Variants in DYNC2I2 observed in about 807,000 individuals in gnomAD.
DYNC2I2 encodes cytoplasmic dynein 2 intermediate chain 2.
In DYNC2I2, 39 loss-of-function variants were observed where a neutral mutation model predicts 52.0. The ratio of observed to expected loss-of-function variants is 0.75; its 90% CI spans 0.58 to 0.98. The LOEUF is 0.98. Ranked by LOEUF, DYNC2I2 falls within the 50% of genes least tolerant of loss-of-function variation. The pLI, the probability that DYNC2I2 is intolerant of heterozygous loss-of-function variation, is 0.00. For synonymous variants in DYNC2I2, 359 were observed against 321.1 expected (o/e 1.12, Z -1.26); for missense variants, 743 against 728.4 (o/e 1.02, Z -0.23).
At chr9:128,681,576 G>A in the DYNC2I2 span, among the ~76,000 whole-genome samples, 1 of 152,216 alleles carries the variant, frequency 6.6e-6, no homozygotes, top group Non-Finnish European at 1.5e-5. Flanking sequence ...ATCTGTTGGA[G>A]ATGTAGGGAG....
At chr9:128,683,146 C>G in the DYNC2I2 span, among the ~76,000 whole-genome samples, 1 of 152,028 alleles carries the variant, frequency 6.6e-6, no homozygotes, top group African/African-American at 2.4e-5. Context: ...AGGTGCCCAC[C>G]ACCACGCCCA....
rs117258756 is a variant in DYNC2I2 at position 128,635,910 on chromosome 9, G to A, written c.704-143C>T. 7.0e-3 allele frequency: 5,371 copies of A among 771,096 alleles called. 26 individuals carry two copies. Among genetic ancestry groups the A allele is most frequent in the Middle Eastern group, 0.01 (39 of 3,776 alleles). The allele number at this position is 771,096 out of a possible 1,614,324, so 47.8% of individuals were successfully genotyped here. On this transcript the variant is annotated intron_variant, in intron 4 of 8. Coordinates refer to ENST00000372715, the MANE Select transcript of DYNC2I2 (RefSeq NM_052844.4). ...TTGGCTGGAAGTCATCCCCACAGAGGGAGAGTCCTAGCCCCCAGCTCCCCT... is the reference window on the plus strand; with the variant it reads ...TTGGCTGGAAGTCATCCCCACAGAGAGAGAGTCCTAGCCCCCAGCTCCCCT...
Position 128,635,668 on chromosome 9 carries a change from G to A in DYNC2I2, c.803C>T (p.Pro268Leu), listed in dbSNP as rs1269021363. The A allele has an allele frequency of 6.2e-7, 1 of 1,607,224 alleles. No homozygotes were observed. The highest frequency in any genetic ancestry group is 1.3e-5 in the African/African-American group (1 of 74,754). Residue 268 changes from proline to leucine, a missense_variant, in exon 5 of 9, where the codon CCT becomes CTT. Pro to Leu is a moderately conservative substitution (Grantham distance 98, BLOSUM62 -3). Coordinates refer to ENST00000372715, the MANE Select transcript of DYNC2I2 (RefSeq NM_052844.4). ...AGCCCCTGCCCTGACCTGGGACACA[G>A]GGTCTGTGTGGGTGTCATCCGTCAG... ...TGLTDDTHTDPVSQVVWLPEP... is the reference protein window; with the variant it reads ...TGLTDDTHTDLVSQVVWLPEP...
upstream of DYNC2I2, among the ~76,000 whole-genome samples, chr9:128,657,449 C>A (rs1167888855): frequency 6.6e-6 from 1 of 151,776 alleles, no homozygotes; most frequent in Admixed American, 6.6e-5. Context: ...ATTCCGCGCG[C>A]CCCACCGGAA....
chr9:128,646,372 CTAA>C (rs1012928642), intron 1 of DYNC2I2, among the ~76,000 whole-genome samples: 3 of 152,082 alleles, frequency 2.0e-5, no homozygotes, highest in Non-Finnish European at 2.9e-5. Flanking sequence ...CCATGGCTGG[CTAA>C]TGTTTGTATT....
the DYNC2I2 span, among the ~76,000 whole-genome samples, chr9:128,669,445 C>T: frequency 6.6e-6 from 1 of 152,076 alleles, no homozygotes; most frequent in Non-Finnish European, 1.5e-5. Flanking sequence ...CACTTCTAGT[C>T]CCAGCACTTC....
At chr9:128,637,096 C>T (rs1860430237) in intron 2 of DYNC2I2, 69 bp from the exon 3 acceptor site, 5 of 1,138,262 alleles carry the variant, frequency 4.4e-6, no homozygotes, top group Non-Finnish European at 6.5e-6. Context: ...TAACCAAACC[C>T]CACCTAGGCC....
chr9:128,637,344 TA>T (rs1478543142), intron 2 of DYNC2I2, among the ~76,000 whole-genome samples: 1 of 152,206 alleles, frequency 6.6e-6, no homozygotes, highest in Non-Finnish European at 1.5e-5. Context: ...CCCAGCAGCA[TA>T]AAAGTGCCCA....
intron 1 of DYNC2I2, among the ~76,000 whole-genome samples, chr9:128,653,914 G>A (rs1860767923): frequency 1.3e-5 from 2 of 152,150 alleles, no homozygotes; most frequent in Admixed American, 6.6e-5. Flanking sequence ...GGGAGGCTGA[G>A]GCAGGAGAAT....
chr9:128,656,450 A>C, intron 1 of DYNC2I2, 91 bp downstream of exon 1: 1 of 1,086,246 alleles, frequency 9.2e-7, no homozygotes, highest in Non-Finnish European at 1.1e-6. Flanking sequence ...CCCGCCCGGC[A>C]GCCACGGTGG....
upstream of DYNC2I2, among the ~76,000 whole-genome samples, chr9:128,657,943 A>G (rs542824557): frequency 7.2e-5 from 11 of 152,168 alleles, no homozygotes; most frequent in Admixed American, 5.3e-4. Flanking sequence ...AAATTTTTTA[A>G]TTGGCCAGGC....
rs34154610 is a variant in DYNC2I2 at position 128,649,688 on chromosome 9, CA to C, written c.186+6852del. On this transcript the variant is annotated intron_variant, in intron 1 of 8. Coordinates refer to ENST00000372715, the MANE Select transcript of DYNC2I2 (RefSeq NM_052844.4). ...TGGGCAAGACAGTGAGACTCCATCT[CA>C]AAAAAAAAAAAAAAAAAAAACTGGG... 2.1e-3 allele frequency among the ~76,000 whole-genome samples: 101 copies of C among 47,228 alleles called. 1 individual carries two copies. The highest frequency in any genetic ancestry group is 0.013 in the African/African-American group (92 of 7,322). The allele number at this position is 47,228 out of a possible 152,430, so 31.0% of individuals were successfully genotyped here.
Position 128,633,785 on chromosome 9 carries a change from C to T in DYNC2I2, c.1570G>A (p.Ala524Thr), listed in dbSNP as rs752702804. 4 of 1,613,614 alleles carry T rather than the reference C, an allele frequency of 2.5e-6. No individual in the cohort carries two copies. The highest frequency in any genetic ancestry group is 2.2e-5 in the South Asian group (2 of 91,082). The change falls in exon 9 of 9, where the codon GCT becomes ACT. Residue 524 changes from alanine to threonine, a missense_variant. Coordinates refer to ENST00000372715, the MANE Select transcript of DYNC2I2 (RefSeq NM_052844.4). Reference sequence around the variant, plus strand: ...GCTGCCAGGCAGTCCAGGTCCTCAGCTTCCCGGGGCCCTTGTTCCGTGAAC... The same window carrying T: ...GCTGCCAGGCAGTCCAGGTCCTCAGTTTCCCGGGGCCCTTGTTCCGTGAAC... Reference protein sequence around the residue: ...TEFTEQGPREAEDLDCLAAEV... With the variant: ...TEFTEQGPRETEDLDCLAAEV...
In DYNC2I2 at chr9:128,656,667, C is replaced by A; in HGVS notation, c.60G>T (p.Ala20=). ...LSQAGSAGVA[A]LATVGVASGP... ...CGCTCGCAACCCCGACTGTCGCCAG[C>A]GCCGCAACACCAGCGCTTCCCGCCT... is the stretch of plus-strand genomic sequence containing the variant. The change falls in exon 1 of 9, where the codon GCG becomes GCT. Residue 20 remains alanine (A), a synonymous_variant. Coordinates refer to ENST00000372715, the MANE Select transcript of DYNC2I2 (RefSeq NM_052844.4). 1 of 1,510,296 alleles carries A rather than the reference C, an allele frequency of 6.6e-7. No individual in the cohort carries two copies. Among genetic ancestry groups the A allele is most frequent in the Non-Finnish European group, 8.8e-7 (1 of 1,138,532 alleles). 93.6% of individuals were successfully genotyped at this position (1,510,296 alleles called of 1,614,324 possible).
At chr9:128,657,293 A>C (rs1860851251), upstream of DYNC2I2, among the ~76,000 whole-genome samples, 1 of 152,220 alleles carries the variant, frequency 6.6e-6, no homozygotes, top group Non-Finnish European at 1.5e-5. Context: ...TTCTACAGAA[A>C]CATGCTTATT....
the DYNC2I2 span, among the ~76,000 whole-genome samples, chr9:128,669,262 G>A: frequency 6.6e-6 from 1 of 152,162 alleles, no homozygotes; most frequent in Non-Finnish European, 1.5e-5. Context: ...CTACTCGGGA[G>A]GCTGAGGCAG....
rs2132132708 is a variant in DYNC2I2 at position 128,633,994 on chromosome 9, G to A, written c.1373-12C>T. On this transcript the variant is annotated splice_polypyrimidine_tract_variant and intron_variant, in intron 8 of 8. Coordinates refer to ENST00000372715, the MANE Select transcript of DYNC2I2 (RefSeq NM_052844.4). ...CAGCTGCACGTCACCTGCAAAGAGA[G>A]ACAGATACGTGGAGTAAGAGAAACT... 6.2e-7 allele frequency: 1 copy of A among 1,612,778 alleles called. No homozygotes were observed. Among genetic ancestry groups the A allele is most frequent in the East Asian group, 2.2e-5 (1 of 44,882 alleles).
chr9:128,676,595 G>A, the DYNC2I2 span, among the ~76,000 whole-genome samples: 2 of 150,436 alleles, frequency 1.3e-5, no homozygotes, highest in Non-Finnish European at 3.0e-5. Context: ...ACGGTGGTGT[G>A]ATCTCAGCTC....
rs1860356107 is a variant in DYNC2I2, at chr9:128,634,975, T to A, written c.982-54A>T. The A allele has an allele frequency of 6.9e-6, 11 of 1,598,334 alleles. No individual in the cohort carries two copies. The South Asian group carries it at 1.1e-4, about 16-fold the overall frequency. ...GAGCCAAGGGCATCAGATGGCACTGTCCCAACAGAGCCAGAGAACAGGAGG... is the reference window on the plus strand; with the variant it reads ...GAGCCAAGGGCATCAGATGGCACTGACCCAACAGAGCCAGAGAACAGGAGG... On this transcript the variant is annotated intron_variant, in intron 6 of 8. Transcript: ENST00000372715.
Sources: gnomAD v4.1 joint callset for allele counts (sites outside exome capture counted in the v4.1 genomes callset) on GRCh38, gnomAD v4.1.1 for gene constraint, MANE v1.5 for transcripts, NCBI Gene and HGNC (gene_info 2026-07-23, HGNC 2026-07-21) for gene names.